UNC13C: variants seen among roughly 807,000 people sequenced by gnomAD.
The protein encoded by UNC13C is unc-13 homolog C.
Under a neutral mutation model 245.4 loss-of-function variants are expected in UNC13C, and 174 were observed. That is an observed-to-expected ratio of 0.71 (90% confidence interval 0.63 to 0.80). UNC13C has a LOEUF of 0.80. UNC13C is among the 30% of genes least tolerant of loss of function. The pLI is 0.00. For synonymous variants in UNC13C, 992 were observed against 895.1 expected, an observed-to-expected ratio of 1.11 and a Z score of -1.93; for missense variants, 2,829 against 2,602.9, an observed-to-expected ratio of 1.09 and a Z score of -1.89.
chr15:54,623,086 T>C (rs915287472), intron 31 of UNC13C, among the ~76,000 whole-genome samples: 2 of 152,150 alleles, frequency 1.3e-5, no homozygotes, highest in South Asian at 4.1e-4. Context: ...TTGAAAAATG[T>C]TGCCAACGTG....
intron 19 of UNC13C, among the ~76,000 whole-genome samples, chr15:54,435,879 C>T (rs1264109260): frequency 6.6e-6 from 1 of 150,828 alleles, no homozygotes; most frequent in African/African-American, 2.4e-5. Context: ...AATAAATGTA[C>T]AAGAAAAAAA....
intron 10 of UNC13C, among the ~76,000 whole-genome samples, chr15:54,288,132 T>C (rs773014986): frequency 6.6e-6 from 1 of 152,144 alleles, no homozygotes; most frequent in East Asian, 1.9e-4. Flanking sequence ...AAATGGAAAA[T>C]ACATAGTCTT....
chr15:54,074,910 A>G (rs969797088), intron 2 of UNC13C, among the ~76,000 whole-genome samples: 11 of 113,188 alleles, frequency 9.7e-5, no homozygotes, highest in African/African-American at 2.9e-4. Context: ...TTCCAATACT[A>G]TGTTGAATAG....
chr15:54,065,878 G>A (rs1898053890), intron 2 of UNC13C, among the ~76,000 whole-genome samples: 1 of 152,152 alleles, frequency 6.6e-6, no homozygotes, highest in African/African-American at 2.4e-5. Context: ...TTCCAATGAA[G>A]GGAGCAATAT....
intron 23 of UNC13C, among the ~76,000 whole-genome samples, chr15:54,509,543 G>A (rs529394644): frequency 1.3e-4 from 20 of 151,990 alleles, no homozygotes; most frequent in Non-Finnish European, 2.6e-4. Context: ...TAAAATTAAA[G>A]GTATTATTCT....
chr15:54,054,440 G>A (rs1381591991), intron 2 of UNC13C, among the ~76,000 whole-genome samples: 1 of 152,142 alleles, frequency 6.6e-6, no homozygotes, highest in Admixed American at 6.5e-5. Context: ...GTCACAGGAT[G>A]ATTTCCTGCT....
chr15:54,104,083 T>C (rs1183803482), intron 2 of UNC13C, among the ~76,000 whole-genome samples: 1 of 152,230 alleles, frequency 6.6e-6, no homozygotes, highest in East Asian at 1.9e-4. Context: ...GTCCTTTTCT[T>C]TCTTTCATGG....
chr15:54,473,087 C>T (rs1180209309), intron 19 of UNC13C, among the ~76,000 whole-genome samples: 1 of 151,804 alleles, frequency 6.6e-6, no homozygotes, highest in Non-Finnish European at 1.5e-5. Context: ...TAATGCTCAG[C>T]TCCCACTAAA....
At chr15:54,315,849 C>T (rs147831319) in intron 13 of UNC13C, among the ~76,000 whole-genome samples, 2,308 of 151,948 alleles carry the variant, frequency 0.015, 23 homozygotes, top group Non-Finnish European at 0.02. Flanking sequence ...CCATCCTGCT[C>T]TCCTTATGAA....
chr15:54,293,951 A>T lies in UNC13C; in HGVS notation c.3875A>T (p.Asp1292Val). The T allele has an allele frequency of 2.5e-6, 4 of 1,590,240 alleles. No individual in the cohort carries two copies. Among genetic ancestry groups the T allele is most frequent in the Non-Finnish European group, 3.4e-6 (4 of 1,169,854 alleles). The change falls in exon 11 of 33, where the codon GAT becomes GTT. Residue 1292 changes from aspartate to valine, a missense_variant. Physicochemically the swap from Asp to Val is radical, Grantham distance 152 (BLOSUM62 -3). Coordinates refer to ENST00000260323, the MANE Select transcript of UNC13C (RefSeq NM_001080534.3). ...GTCAGAGTATGGGATGAAGATGATGATATTAAATCCAGAGTCAAGCAACAT... is the reference window on the plus strand; with the variant it reads ...GTCAGAGTATGGGATGAAGATGATGTTATTAAATCCAGAGTCAAGCAACAT... ...IKVRVWDEDD[D>V]IKSRVKQHFK... is the part of the protein sequence containing the mutation.
chr15:54,534,619 C>T (rs1320705682), intron 26 of UNC13C, among the ~76,000 whole-genome samples: 8 of 151,972 alleles, frequency 5.3e-5, no homozygotes, highest in Admixed American at 5.2e-4. Context: ...AAGAATTTGG[C>T]ATCTGGATAG....
At chr15:53,845,483 C>G in the UNC13C span, among the ~76,000 whole-genome samples, 1 of 152,118 alleles carries the variant, frequency 6.6e-6, no homozygotes, top group East Asian at 1.9e-4. Context: ...TTGCCTACAG[C>G]CTTCAACACA....
intron 2 of UNC13C, among the ~76,000 whole-genome samples, chr15:54,104,696 T>G (rs1900345587): frequency 6.6e-6 from 1 of 152,154 alleles, no homozygotes; most frequent in Admixed American, 6.5e-5. Context: ...CAGTTTTTTT[T>G]TTAAATTCTG....
chr15:53,887,426 T>A, the UNC13C span, among the ~76,000 whole-genome samples: 1 of 152,178 alleles, frequency 6.6e-6, no homozygotes, highest in East Asian at 1.9e-4. Context: ...TTATATTAAG[T>A]GTAACTCTTA....
chr15:54,389,344 C>T (rs1290381369), intron 17 of UNC13C, among the ~76,000 whole-genome samples: 1 of 152,196 alleles, frequency 6.6e-6, no homozygotes, highest in Non-Finnish European at 1.5e-5. Flanking sequence ...ACTCTCAATA[C>T]ACATTTTCAA....
At chr15:53,979,506 C>T (rs1170307141) in intron 1 of UNC13C, among the ~76,000 whole-genome samples, 2 of 152,184 alleles carry the variant, frequency 1.3e-5, no homozygotes, top group African/African-American at 4.8e-5. Flanking sequence ...TTCTGTTTTA[C>T]AACTGTTCTG....
intron 14 of UNC13C, among the ~76,000 whole-genome samples, chr15:54,326,619 T>A: frequency 6.6e-6 from 1 of 151,800 alleles, no homozygotes; most frequent in East Asian, 1.9e-4. Flanking sequence ...AGAAGCATGA[T>A]GGATAGCAAG....
intron 2 of UNC13C, among the ~76,000 whole-genome samples, chr15:54,120,331 C>G (rs1447354793): frequency 1.3e-5 from 2 of 152,126 alleles, no homozygotes; most frequent in Non-Finnish European, 2.9e-5. Context: ...GTCTACTCTA[C>G]TTGTGCTCTG....
intron 25 of UNC13C, among the ~76,000 whole-genome samples, chr15:54,530,084 G>A (rs1895666752): frequency 6.6e-6 from 1 of 152,140 alleles, no homozygotes; most frequent in South Asian, 2.1e-4. Flanking sequence ...GAGTGGGTGA[G>A]GCAATAGAGG....
Sources: gnomAD v4.1 joint callset for allele counts (sites outside exome capture counted in the v4.1 genomes callset) on GRCh38, gnomAD v4.1.1 for gene constraint, MANE v1.5 for transcripts, NCBI Gene and HGNC (gene_info 2026-07-23, HGNC 2026-07-21) for gene names.